Variants in RIPOR3 observed in about 807,000 individuals in gnomAD.
The protein encoded by RIPOR3 is RIPOR family member 3.
In RIPOR3, 95 loss-of-function variants were observed where a neutral mutation model predicts 114.3. That is an observed-to-expected ratio of 0.83 (90% confidence interval 0.70 to 0.99). The LOEUF (loss-of-function observed/expected upper bound fraction) is 0.99, where lower values mean the gene tolerates loss of function less well. RIPOR3 is among the 50% of genes least tolerant of loss of function. The pLI, the probability that RIPOR3 is intolerant of heterozygous loss-of-function variation, is 0.00. For synonymous variants in RIPOR3, 575 were observed against 543.8 expected, an observed-to-expected ratio of 1.06 and a Z score of -0.80; for missense variants, 1,252 against 1,266.9, an observed-to-expected ratio of 0.99 and a Z score of 0.18.
chr20:50,594,341 A>G (rs1601448055), intron 17 of RIPOR3, among the ~76,000 whole-genome samples: 1 of 151,582 alleles, frequency 6.6e-6, no homozygotes, highest in East Asian at 1.9e-4. Flanking sequence ...GGCTCCACAG[A>G]CTGCTCAGAA....
At chr20:50,600,231 G>A (rs2083446323) in intron 13 of RIPOR3, among the ~76,000 whole-genome samples, 1 of 152,166 alleles carries the variant, frequency 6.6e-6, no homozygotes, top group Non-Finnish European at 1.5e-5. Flanking sequence ...GCATAAATGT[G>A]TGTGTGTGTA....
At chr20:50,635,845 T>A (rs1157048243) in intron 1 of RIPOR3, among the ~76,000 whole-genome samples, 1 of 152,226 alleles carries the variant, frequency 6.6e-6, no homozygotes, top group Admixed American at 6.5e-5. Context: ...CCCGCAGCTC[T>A]GCTGAGGACA....
chr20:50,623,255 T>C (rs2084488470), intron 2 of RIPOR3, among the ~76,000 whole-genome samples: 1 of 134,090 alleles, frequency 7.5e-6, no homozygotes, highest in African/African-American at 3.0e-5. Flanking sequence ...AGCAAAACTC[T>C]GCCTTAAAAA....
intron 2 of RIPOR3, among the ~76,000 whole-genome samples, chr20:50,629,612 G>GC (rs1188710012): frequency 6.6e-6 from 1 of 152,144 alleles, no homozygotes; most frequent in African/African-American, 2.4e-5. Context: ...GGTCAATGCT[G>GC]CCCCCCAGGC....
At chr20:50,599,279 G>T (rs1222951061) in intron 13 of RIPOR3, among the ~76,000 whole-genome samples, 1 of 151,772 alleles carries the variant, frequency 6.6e-6, no homozygotes, top group Non-Finnish European at 1.5e-5. Context: ...GTAACCCCAG[G>T]TACTAGGGAG....
rs2082940788 is a variant in RIPOR3, at chr20:50,586,985, T to C, written c.*247A>G. ...GGTCACACAGACCCTCAGCCAGAAG[T>C]TGAGCGCTCTGTTGAGGCCGTGCAG... On this transcript the variant is annotated 3_prime_UTR_variant, in exon 22 of 22. Transcript: ENST00000327979. The C allele has an allele frequency of 4.3e-6, 2 of 461,124 alleles. No individual in the cohort carries two copies. The highest frequency in any genetic ancestry group is 7.9e-6 in the Non-Finnish European group (2 of 254,476). 28.6% of individuals were successfully genotyped at this position (461,124 alleles called of 1,614,324 possible). A position where few individuals can be genotyped will look rare whatever the true frequency, so the allele number is the denominator to read the frequency against.
At chr20:50,639,241 C>CAAA (rs796792187) in intron 1 of RIPOR3, among the ~76,000 whole-genome samples, 2 of 136,732 alleles carry the variant, frequency 1.5e-5, no homozygotes, top group Middle Eastern at 3.6e-3. Context: ...GACTCCAACT[C>CAAA]AAAAAAAAAA....
chr20:50,594,666 C>T lies in RIPOR3; in HGVS notation c.2099G>A (p.Gly700Glu), dbSNP rs766719672. 5 of 1,613,628 alleles carry T rather than the reference C, an allele frequency of 3.1e-6. No homozygotes were observed. The African/African-American group carries it at 6.7e-5, about 22-fold the overall frequency. ...RTKGCLKLWR[G>E]CTGPGRVLSC... ...CAGGACCCTGCCAGGCCCTGTGCAC[C>T]CTCTCCACAGCTTCAGGCACCCCTT... The change falls in exon 17 of 22, where the codon GGG (glycine) becomes GAG (glutamate). Residue 700 changes from glycine (G) to glutamate (E), a missense_variant. Physicochemically the swap from Gly to Glu is moderately conservative, Grantham distance 98. Coordinates refer to ENST00000327979, the MANE Select transcript of RIPOR3 (RefSeq NM_001290268.2).
At position 50,630,654 on chromosome 20, in the gene RIPOR3, CAGG is replaced by C; in HGVS notation, c.122+81_122+83del. 4 of 1,195,908 alleles carry C rather than the reference CAGG, an allele frequency of 3.3e-6. 1 individual carries two copies. Among genetic ancestry groups the C allele is most frequent in the Middle Eastern group, 4.3e-4 (2 of 4,616 alleles). 74.1% of individuals were successfully genotyped at this position (1,195,908 alleles called of 1,614,324 possible). ...GAGTGGGCCTTCGGGTCTCTGGCAG[CAGG>C]AGGAGGATGACCCTGCCCTTCCCCA... is the stretch of plus-strand genomic sequence containing the variant. On this transcript the variant is annotated intron_variant, in intron 2 of 21. Coordinates refer to ENST00000327979, the MANE Select transcript of RIPOR3 (RefSeq NM_001290268.2).
chr20:50,613,967 C>T (rs1487888108), intron 4 of RIPOR3, among the ~76,000 whole-genome samples: 1 of 152,168 alleles, frequency 6.6e-6, no homozygotes, highest in Non-Finnish European at 1.5e-5. Context: ...CTGCCCACCC[C>T]GAGGCCCTCT....
At chr20:50,654,325 C>T (rs1452814060) in intron 1 of RIPOR3, among the ~76,000 whole-genome samples, 2 of 151,606 alleles carry the variant, frequency 1.3e-5, no homozygotes, top group African/African-American at 4.9e-5. Flanking sequence ...TGCCATCATG[C>T]CCAACTAATT....
At chr20:50,633,462 A>G (rs1056293608) in intron 1 of RIPOR3, among the ~76,000 whole-genome samples, 3 of 152,068 alleles carry the variant, frequency 2.0e-5, no homozygotes, top group Non-Finnish European at 2.9e-5. Flanking sequence ...TGTTACCCCT[A>G]TCAGCACCTA....
intron 1 of RIPOR3, among the ~76,000 whole-genome samples, chr20:50,649,266 G>A (rs939376947): frequency 6.6e-5 from 10 of 152,228 alleles, no homozygotes; most frequent in South Asian, 6.2e-4. Context: ...CCAACATGGC[G>A]AAACCCCGTC....
intron 4 of RIPOR3, among the ~76,000 whole-genome samples, chr20:50,613,477 G>T (rs1345846861): frequency 2.0e-5 from 3 of 151,762 alleles, no homozygotes; most frequent in East Asian, 3.9e-4. Flanking sequence ...GAAAAGAAAA[G>T]AAATAAATAA....
chr20:50,663,968 C>T (rs1354838758), intron 1 of RIPOR3, among the ~76,000 whole-genome samples: 1 of 148,956 alleles, frequency 6.7e-6, no homozygotes, highest in Non-Finnish European at 1.5e-5. Context: ...TTCTTATTCC[C>T]CAGGCTGGAG....
At chr20:50,637,289 G>C (rs566444722) in intron 1 of RIPOR3, among the ~76,000 whole-genome samples, 26 of 152,096 alleles carry the variant, frequency 1.7e-4, no homozygotes, top group Admixed American at 1.7e-3. Context: ...GCCTCAGCTG[G>C]AGCCCCCCTC....
Position 50,587,304 on chromosome 20 carries a change from C to A in RIPOR3, c.2781G>T (p.Lys927Asn), listed in dbSNP as rs370094079. 2.2e-5 allele frequency: 36 copies of A among 1,614,066 alleles called. No homozygotes were observed. The highest frequency in any genetic ancestry group is 2.6e-5 in the Non-Finnish European group (31 of 1,180,046). The change falls in exon 22 of 22, where the codon AAG becomes AAT. Residue 927 changes from lysine (K) to asparagine (N), a missense_variant. Transcript: ENST00000327979. ...TTTGTTCTGAGCAGAGCTTGTCCATCTTCTCAAAAGCTAACCGTCCTTTTT... is the reference window on the plus strand; with the variant it reads ...TTTGTTCTGAGCAGAGCTTGTCCATATTCTCAAAAGCTAACCGTCCTTTTT... Reference protein sequence around the residue: ...FGEKGRLAFEKMDKLCSEQRE... With the variant: ...FGEKGRLAFENMDKLCSEQRE...
At chr20:50,656,408 T>C (rs2085815010) in intron 1 of RIPOR3, among the ~76,000 whole-genome samples, 2 of 152,154 alleles carry the variant, frequency 1.3e-5, no homozygotes, top group Admixed American at 1.3e-4. Context: ...AGAAAGTATA[T>C]ATAGAGCTTA....
intron 1 of RIPOR3, among the ~76,000 whole-genome samples, chr20:50,642,820 G>A (rs1386216200): frequency 1.3e-5 from 2 of 151,998 alleles, no homozygotes; most frequent in Admixed American, 6.6e-5. Context: ...AGGTCAAAGC[G>A]GGCAGATCAC....
Sources: gnomAD v4.1 joint callset for allele counts (sites outside exome capture counted in the v4.1 genomes callset) on GRCh38, gnomAD v4.1.1 for gene constraint, MANE v1.5 for transcripts, NCBI Gene and HGNC (gene_info 2026-07-23, HGNC 2026-07-21) for gene names.